The following PPME1 variants were observed in gnomAD, a reference collection of about 807,000 sequenced individuals.
The protein encoded by PPME1 is protein phosphatase methylesterase 1, also known as testicular secretory protein Li 39.
In PPME1, 17 loss-of-function variants were observed where a neutral mutation model predicts 56.9. The observed-to-expected ratio is 0.30, with a 90% confidence interval of 0.20 to 0.45. The LOEUF (loss-of-function observed/expected upper bound fraction) is 0.45. Ranked by LOEUF, PPME1 falls within the 20% of genes least tolerant of loss-of-function variation. The pLI, the probability that PPME1 is intolerant of heterozygous loss-of-function variation, is 1.00. For synonymous variants in PPME1, 122 were observed against 156.2 expected (o/e 0.78, Z 1.63); for missense variants, 357 against 483.2 (o/e 0.74, Z 2.45).
chr11:74,171,820 A>G (rs1857244840), intron 1 of PPME1, among the ~76,000 whole-genome samples: 1 of 152,178 alleles, frequency 6.6e-6, no homozygotes, highest in Admixed American at 6.5e-5. Context: ...GGAGGCTTAG[A>G]AAAGGGAGTA....
At chr11:74,186,528 T>G (rs1205365525) in intron 1 of PPME1, among the ~76,000 whole-genome samples, 1 of 152,156 alleles carries the variant, frequency 6.6e-6, no homozygotes, top group Non-Finnish European at 1.5e-5. Flanking sequence ...TGGCCTTAGT[T>G]TTCTCGTTTG....
At chr11:74,246,503 T>G (rs982160489) in intron 10 of PPME1, among the ~76,000 whole-genome samples, 3 of 152,194 alleles carry the variant, frequency 2.0e-5, no homozygotes, top group Non-Finnish European at 2.9e-5. Context: ...GACCTGAGGT[T>G]ACGTCCTTAT....
Position 74,171,525 on chromosome 11 carries a change from A to G in PPME1, c.101+3A>G, listed in dbSNP as rs767932322. 16 of 1,611,044 alleles carry G rather than the reference A, an allele frequency of 9.9e-6. No individual in the cohort carries two copies. The highest frequency in any genetic ancestry group is 1.4e-5 in the Non-Finnish European group (16 of 1,178,858). On this transcript the variant is annotated splice_donor_region_variant and intron_variant, in intron 1 of 13. Transcript: ENST00000328257. ...AGCGGAGCCAAGATGCGAATGGGGT[A>G]CGTGACCCATACCCCTTCTCCCTAT...
In PPME1 at chr11:74,245,977, C is replaced by A. The variant is rs539501657; in HGVS notation, c.835-99C>A. Reference sequence around the variant, plus strand: ...GGACTTAGTAGGTCCTTAATAAGTGCTAGTTTCCTTCCCTTTCCTTTTCCC... The same window carrying A: ...GGACTTAGTAGGTCCTTAATAAGTGATAGTTTCCTTCCCTTTCCTTTTCCC... On this transcript the variant is annotated intron_variant, in intron 9 of 13. Transcript: ENST00000328257. 2.3e-5 allele frequency: 32 copies of A among 1,381,908 alleles called. No homozygotes were observed. In the Admixed American group the frequency reaches 6.2e-4, roughly 27 times the overall value. 85.6% of individuals were successfully genotyped at this position (1,381,908 alleles called of 1,614,324 possible). A position where few individuals can be genotyped will look rare whatever the true frequency, so the allele number is the denominator to read the frequency against.
At chr11:74,172,845 A>G (rs964400873) in intron 1 of PPME1, among the ~76,000 whole-genome samples, 38 of 152,352 alleles carry the variant, frequency 2.5e-4, no homozygotes, top group African/African-American at 9.1e-4. Context: ...AAAGGACTAC[A>G]GAAGAGAAAC....
intron 7 of PPME1, among the ~76,000 whole-genome samples, chr11:74,232,674 C>CT (rs1216584605): frequency 0.043 from 5,803 of 134,420 alleles, 217 homozygotes; most frequent in African/African-American, 0.087. Context: ...TTTATCCAAA[C>CT]TTTTTTTTTT....
chr11:74,176,160 A>G (rs1237101717), intron 1 of PPME1, among the ~76,000 whole-genome samples: 1 of 152,242 alleles, frequency 6.6e-6, no homozygotes, highest in Non-Finnish European at 1.5e-5. Flanking sequence ...AGATAATTAT[A>G]CATTGAGAAC....
intron 5 of PPME1, among the ~76,000 whole-genome samples, chr11:74,226,203 T>C (rs1054737189): frequency 7.7e-4 from 117 of 152,330 alleles, no homozygotes; most frequent in African/African-American, 2.7e-3. Flanking sequence ...CATTTATTAA[T>C]AATAAATCAT....
In PPME1 at chr11:74,171,539, C is replaced by G; in HGVS notation, c.101+17C>G. On this transcript the variant is annotated intron_variant, in intron 1 of 13. Coordinates refer to ENST00000328257, the MANE Select transcript of PPME1 (RefSeq NM_016147.3). The stretch of plus-strand genomic sequence containing the variant: ...GCGAATGGGGTACGTGACCCATACC[C>G]CTTCTCCCTATGGGCCAGGCCCCAG... 1 of 1,603,446 alleles carries G rather than the reference C, an allele frequency of 6.2e-7. No homozygotes were observed. Among genetic ancestry groups the G allele is most frequent in the South Asian group, 1.1e-5 (1 of 89,452 alleles).
intron 3 of PPME1, among the ~76,000 whole-genome samples, chr11:74,214,306 A>G (rs1412389079): frequency 6.6e-6 from 1 of 152,220 alleles, no homozygotes; most frequent in Non-Finnish European, 1.5e-5. Context: ...AAAGAATACA[A>G]AAACAATGCA....
intron 7 of PPME1, 140 bp from the exon 8 acceptor site, chr11:74,235,761 C>A: frequency 7.5e-7 from 1 of 1,332,356 alleles, no homozygotes; most frequent in Non-Finnish European, 1.0e-6. Flanking sequence ...GTAATAGTGG[C>A]AATCTCTATA....
intron 1 of PPME1, among the ~76,000 whole-genome samples, chr11:74,199,487 A>AG (rs1265188191): frequency 1.3e-5 from 2 of 152,082 alleles, no homozygotes; most frequent in Non-Finnish European, 2.9e-5. Context: ...TGGGAGAGAC[A>AG]GGGTCTCACG....
intron 1 of PPME1, among the ~76,000 whole-genome samples, chr11:74,183,039 G>A (rs1329271810): frequency 6.6e-6 from 1 of 151,344 alleles, no homozygotes; most frequent in African/African-American, 2.4e-5. Context: ...GCTCACGCTT[G>A]TAATCCCAGC....
At chr11:74,193,411 T>C (rs948601093) in intron 1 of PPME1, among the ~76,000 whole-genome samples, 2 of 152,238 alleles carry the variant, frequency 1.3e-5, no homozygotes, top group Non-Finnish European at 2.9e-5. Context: ...AAATGAATTG[T>C]GTGTTTAGAC....
intron 5 of PPME1, among the ~76,000 whole-genome samples, chr11:74,228,919 T>C (rs2135659664): frequency 6.6e-6 from 1 of 152,334 alleles, no homozygotes; most frequent in South Asian, 2.1e-4. Context: ...CTTGGACTTT[T>C]CGTCTTAACT....
At chr11:74,179,102 G>A (rs1857468344) in intron 1 of PPME1, among the ~76,000 whole-genome samples, 1 of 152,112 alleles carries the variant, frequency 6.6e-6, no homozygotes, top group Admixed American at 6.5e-5. Flanking sequence ...GACCGAAGTT[G>A]TTTACTTATC....
At chr11:74,251,373 C>T (rs1859655623) in intron 12 of PPME1, 1 of 1,359,218 alleles carries the variant, frequency 7.4e-7, no homozygotes, top group Non-Finnish European at 9.5e-7. Flanking sequence ...ATGGGCTCCT[C>T]CTGTGAGAAA....
At chr11:74,225,622 AT>A (rs1858915149) in intron 5 of PPME1, among the ~76,000 whole-genome samples, 2 of 152,208 alleles carry the variant, frequency 1.3e-5, no homozygotes, top group Admixed American at 1.3e-4. Context: ...CCTTGAGAGT[AT>A]CTCCTTCAGG....
At chr11:74,245,725 G>A (rs1859486236) in intron 9 of PPME1, among the ~76,000 whole-genome samples, 1 of 152,072 alleles carries the variant, frequency 6.6e-6, no homozygotes, top group African/African-American at 2.4e-5. Context: ...ACTGCAGTAT[G>A]TTCTTTGTAG....
Sources: allele counts gnomAD v4.1 joint callset (sites outside exome capture counted in the v4.1 genomes callset), GRCh38; gene constraint gnomAD v4.1.1; transcripts MANE v1.5; gene names NCBI Gene and HGNC (gene_info 2026-07-23, HGNC 2026-07-21).